Variants in HOXC4 observed in about 807,000 individuals in gnomAD.
HOXC4 encodes the protein homeobox protein Hox-C4.
A neutral mutation model predicts 25.5 loss-of-function variants in HOXC4; 15 were observed. That is an observed-to-expected ratio of 0.59 (90% confidence interval 0.39 to 0.91). The LOEUF is 0.91. Among genes scored for constraint, HOXC4 ranks in the 40% least tolerant of loss-of-function variants. The probability of loss-of-function intolerance (pLI) is 0.00; values close to 1 mark genes in which losing one functional copy is unlikely to be tolerated. For missense variants in HOXC4, 342 were observed against 352.4 expected (o/e 0.97, Z 0.24); for synonymous variants, 165 against 148.0 (o/e 1.11, Z -0.83).
At chr12:54,051,714 T>A (rs563647891), upstream of HOXC4, among the ~76,000 whole-genome samples, 4 of 152,300 alleles carry the variant, frequency 2.6e-5, no homozygotes, top group South Asian at 8.3e-4. Flanking sequence ...CACCAGCTCC[T>A]TGGGAGCTAA....
intron 1 of HOXC4, among the ~76,000 whole-genome samples, chr12:54,044,575 A>G (rs1054607238): frequency 6.6e-6 from 1 of 152,162 alleles, no homozygotes; most frequent in Non-Finnish European, 1.5e-5. Flanking sequence ...GATGTATAAG[A>G]CAGAGTTCAT....
chr12:54,042,920 A>G (rs1941298155), intron 1 of HOXC4, among the ~76,000 whole-genome samples: 1 of 152,166 alleles, frequency 6.6e-6, no homozygotes, highest in Non-Finnish European at 1.5e-5. Flanking sequence ...TTGCCAGACA[A>G]GGTCTGGGTT....
intron 1 of HOXC4, among the ~76,000 whole-genome samples, chr12:54,026,944 C>T (rs555339186): frequency 1.7e-4 from 23 of 136,488 alleles, no homozygotes; most frequent in South Asian, 6.7e-4. Flanking sequence ...TTTCCCCCCC[C>T]CCAACCCACC....
intron 1 of HOXC4, among the ~76,000 whole-genome samples, chr12:54,048,182 G>A (rs1937761333): frequency 6.6e-6 from 1 of 151,972 alleles, no homozygotes; most frequent in Non-Finnish European, 1.5e-5. Flanking sequence ...AACAGCTCCT[G>A]GAAGAGAAAA....
chr12:54,051,121 G>T (rs964070682), upstream of HOXC4, among the ~76,000 whole-genome samples: 7 of 152,060 alleles, frequency 4.6e-5, no homozygotes, highest in Non-Finnish European at 7.4e-5. Flanking sequence ...TTAGCGTCAG[G>T]GCACGGATGG....
chr12:54,020,435 C>T (rs1360162819), intron 1 of HOXC4: 1 of 152,248 alleles, frequency 6.6e-6, no homozygotes, highest in Non-Finnish European at 1.5e-5. Flanking sequence ...AACCCTTTCT[C>T]ACCCTGGTCT....
intron 1 of HOXC4, chr12:54,028,542 C>A: frequency 3.1e-6 from 5 of 1,614,098 alleles, no homozygotes; most frequent in Non-Finnish European, 4.2e-6. Flanking sequence ...ACTTCACTAA[C>A]CCTTCCTTAT....
intron 1 of HOXC4, among the ~76,000 whole-genome samples, chr12:54,046,536 A>AATATAT (rs147088501): frequency 3.4e-4 from 51 of 149,956 alleles, no homozygotes; most frequent in East Asian, 2.2e-3. Flanking sequence ...CCTTGAGGGA[A>AATATAT]ATATATATAT....
At chr12:54,025,814 C>T (rs1245393515) in intron 1 of HOXC4, among the ~76,000 whole-genome samples, 3 of 152,124 alleles carry the variant, frequency 2.0e-5, no homozygotes, top group Non-Finnish European at 2.9e-5. Context: ...AGAATCTCCC[C>T]AACTTTGGGG....
intron 1 of HOXC4, among the ~76,000 whole-genome samples, chr12:54,026,765 CT>C (rs1426975328): frequency 2.0e-5 from 3 of 152,172 alleles, no homozygotes; most frequent in Non-Finnish European, 4.4e-5. Flanking sequence ...TTTTTCCCCC[CT>C]AGCGACACTC....
chr12:54,034,577 C>G, intron 1 of HOXC4: 1 of 1,186,792 alleles, frequency 8.4e-7, no homozygotes, highest in South Asian at 1.4e-5. Context: ...CTCTATATTT[C>G]GGGTCGGGGG....
upstream of HOXC4, among the ~76,000 whole-genome samples, chr12:54,051,325 C>A (rs1937841446): frequency 6.6e-6 from 1 of 152,064 alleles, no homozygotes; most frequent in Non-Finnish European, 1.5e-5. Context: ...GTGGAGCCAT[C>A]TGGGACTACA....
chr12:54,031,235 C>T (rs61921795), intron 1 of HOXC4, among the ~76,000 whole-genome samples: 59 of 152,196 alleles, frequency 3.9e-4, no homozygotes, highest in Non-Finnish European at 7.5e-4. Flanking sequence ...CACCCACTCC[C>T]GGGAGTTGGA....
At position 54,042,908 on chromosome 12, in the gene HOXC4, A is replaced by C. The variant is rs961146306; in HGVS notation, c.-123-10252A>C. Among the ~76,000 whole-genome samples the C allele has an allele frequency of 2.6e-5, 4 of 152,138 alleles. No individual in the cohort carries two copies. The South Asian group carries it at 8.3e-4, about 32-fold the overall frequency. The stretch of plus-strand genomic sequence containing the variant: ...TTGATGGGGCTCCAGGAGCCCAAGG[A>C]ATTGCCAGACAAGGTCTGGGTTGAG... On this transcript the variant is annotated intron_variant, in intron 1 of 3. Coordinates refer to the HOXC4 transcript ENST00000303406.
intron 1 of HOXC4, among the ~76,000 whole-genome samples, chr12:54,018,710 C>G (rs949885757): frequency 8.6e-5 from 13 of 151,916 alleles, no homozygotes; most frequent in Non-Finnish European, 1.9e-4. Flanking sequence ...TGTTTATAAA[C>G]GGCGACGCAC....
At chr12:54,034,578 G>A in intron 1 of HOXC4, 2 of 1,180,476 alleles carry the variant, frequency 1.7e-6, no homozygotes, top group Non-Finnish European at 2.4e-6. Flanking sequence ...TCTATATTTC[G>A]GGTCGGGGGC....
intron 1 of HOXC4, 141 bp from the exon 2 acceptor site, chr12:54,054,706 ACTT>A (rs1937933785): frequency 1.6e-6 from 1 of 624,436 alleles, no homozygotes; most frequent in African/African-American, 1.9e-5. Flanking sequence ...GCTTCCTTCA[ACTT>A]CTTTATAACC....
chr12:54,033,833 G>C (rs1039078560), intron 1 of HOXC4: 4 of 542,014 alleles, frequency 7.4e-6, no homozygotes, highest in African/African-American at 3.9e-5. Context: ...AAAAATAGAG[G>C]GATCTGAAGG....
upstream of HOXC4, among the ~76,000 whole-genome samples, chr12:54,049,409 A>C (rs1204699742): frequency 1.3e-5 from 2 of 152,210 alleles, no homozygotes; most frequent in African/African-American, 2.4e-5. Flanking sequence ...ACGAGATTTG[A>C]GGAAAATTGA....
Sources: allele counts gnomAD v4.1 joint callset (sites outside exome capture counted in the v4.1 genomes callset), GRCh38; gene constraint gnomAD v4.1.1; transcripts MANE v1.5; gene names NCBI Gene and HGNC (gene_info 2026-07-23, HGNC 2026-07-21).